CYP19A1: variants seen among roughly 807,000 people sequenced by gnomAD.
The protein encoded by CYP19A1 is aromatase.
CYP19A1 carries 32 observed loss-of-function variants against 44.4 expected under a neutral mutation model. The ratio of observed to expected loss-of-function variants is 0.72; its 90% CI spans 0.54 to 0.97. The LOEUF is 0.97. Ranked by LOEUF, CYP19A1 falls within the 50% of genes least tolerant of loss-of-function variation. The pLI is 0.00. For synonymous variants in CYP19A1, 212 were observed against 215.6 expected, an observed-to-expected ratio of 0.98 and a Z score of 0.14; for missense variants, 598 against 637.8, an observed-to-expected ratio of 0.94 and a Z score of 0.67.
chr15:51,335,037 C>T (rs1030071206), intron 1 of CYP19A1, among the ~76,000 whole-genome samples: 4 of 152,184 alleles, frequency 2.6e-5, no homozygotes, highest in African/African-American at 7.2e-5. Context: ...CCCAATCCTG[C>T]TTCTCCTTCT....
chr15:51,277,733 T>C (rs1042391361), intron 1 of CYP19A1, among the ~76,000 whole-genome samples: 1 of 152,134 alleles, frequency 6.6e-6, no homozygotes, highest in Admixed American at 6.6e-5. Flanking sequence ...CAGAAATAAA[T>C]TCTGAAACAG....
intron 1 of CYP19A1, among the ~76,000 whole-genome samples, chr15:51,273,656 G>T (rs1017203926): frequency 6.6e-6 from 1 of 152,090 alleles, no homozygotes; most frequent in Non-Finnish European, 1.5e-5. Context: ...TCACCTCCGA[G>T]AAGTCCAAAC....
At chr15:51,319,446 T>C (rs2036488770) in intron 1 of CYP19A1, among the ~76,000 whole-genome samples, 1 of 152,202 alleles carries the variant, frequency 6.6e-6, no homozygotes, top group Non-Finnish European at 1.5e-5. Context: ...CACATACAAT[T>C]CTTATGAACA....
chr15:51,229,763 A>T (rs1457535293), intron 3 of CYP19A1, among the ~76,000 whole-genome samples: 1 of 152,224 alleles, frequency 6.6e-6, no homozygotes, highest in Non-Finnish European at 1.5e-5. Flanking sequence ...TAAGTAATTT[A>T]TATATTCTTT....
intron 2 of CYP19A1, among the ~76,000 whole-genome samples, chr15:51,239,544 T>C (rs751476583): frequency 1.3e-5 from 2 of 152,088 alleles, no homozygotes; most frequent in African/African-American, 2.4e-5. Context: ...GATAGAAGAA[T>C]ACATAATGTA....
chr15:51,227,839 C>T lies in CYP19A1; in HGVS notation c.391G>A (p.Gly131Ser), dbSNP rs1033623088. The part of the protein sequence containing the change: ...GLQCIGMHEK[G>S]IIFNNNPELW... ...TCTGGATTGTTGTTAAATATGATGC[C>T]TTTCTCATGCATACCGATGCACTGC... Residue 131 changes from glycine to serine, a missense_variant, in exon 4 of 10, where the codon GGC becomes AGC. By Grantham distance (56) the Gly-to-Ser change is moderately conservative. Transcript: ENST00000396402. 8 of 1,530,520 alleles carry T rather than the reference C, an allele frequency of 5.2e-6. No individual in the cohort carries two copies. Among genetic ancestry groups the T allele is most frequent in the Admixed American group, 1.7e-5 (1 of 59,896 alleles). The allele number at this position is 1,530,520 out of a possible 1,614,324, so 94.8% of individuals were successfully genotyped here. A position where few individuals can be genotyped will look rare whatever the true frequency, so the allele number is the denominator to read the frequency against.
intron 8 of CYP19A1, among the ~76,000 whole-genome samples, 166 bp from the exon 9 acceptor site, chr15:51,212,727 G>A (rs1277325923): frequency 6.6e-6 from 1 of 152,008 alleles, no homozygotes; most frequent in Non-Finnish European, 1.5e-5. Flanking sequence ...GTTATGCTTG[G>A]GCCACAGAGT....
chr15:51,306,921 G>A (rs950192225), intron 1 of CYP19A1, among the ~76,000 whole-genome samples: 1 of 152,156 alleles, frequency 6.6e-6, no homozygotes, highest in Admixed American at 6.5e-5. Flanking sequence ...GAAAAGGCAC[G>A]GGTAAAGTTG....
chr15:51,334,904 AG>A (rs2036753728), intron 1 of CYP19A1, among the ~76,000 whole-genome samples: 1 of 152,186 alleles, frequency 6.6e-6, no homozygotes, highest in South Asian at 2.1e-4. Flanking sequence ...TGAGTGAGGT[AG>A]GTAAAAGCCC....
intron 1 of CYP19A1, among the ~76,000 whole-genome samples, chr15:51,307,795 A>C (rs1490590741): frequency 6.6e-6 from 1 of 152,132 alleles, no homozygotes; most frequent in East Asian, 1.9e-4. Flanking sequence ...CCCCCACCCA[A>C]CCACTTGACA....
At chr15:51,316,212 G>T (rs555209467) in intron 1 of CYP19A1, 1 of 152,236 alleles carries the variant, frequency 6.6e-6, no homozygotes, top group Non-Finnish European at 1.5e-5. Context: ...TATGTTGGCT[G>T]GGCATGTTGG....
rs77348531 is a variant in CYP19A1 at position 51,314,989 on chromosome 15, A to G, written c.-39+23506T>C. Among the ~76,000 whole-genome samples, 2,374 of 152,116 alleles carry G rather than the reference A, an allele frequency of 0.016. 175 individuals carry two copies. In the East Asian group the frequency reaches 0.24, roughly 15 times the overall value. ...CTGGTTCAAGCCACTGTCCCTGGCAACAGCTCCTAATTGACCTCTCTGAAT... is the reference window on the plus strand; with the variant it reads ...CTGGTTCAAGCCACTGTCCCTGGCAGCAGCTCCTAATTGACCTCTCTGAAT... On this transcript the variant is annotated intron_variant, in intron 1 of 9. Coordinates refer to ENST00000396402, the MANE Select transcript of CYP19A1 (RefSeq NM_000103.4).
rs944986833 is a variant in CYP19A1, at chr15:51,208,857, G to A, written c.*1951C>T. 3.3e-5 allele frequency: 5 copies of A among 150,456 alleles called. No homozygotes were observed. The highest frequency in any genetic ancestry group is 7.4e-5 in the Non-Finnish European group (5 of 67,906). The allele number at this position is 150,456 out of a possible 1,614,324, so 9.3% of individuals were successfully genotyped here. A position where few individuals can be genotyped will look rare whatever the true frequency, so the allele number is the denominator to read the frequency against. On this transcript the variant is annotated 3_prime_UTR_variant, in exon 10 of 10. Transcript: ENST00000396402. ...ATCAAACATGCATTTCACTTTGACT[G>A]TGTAGACATAGACATTGGCTTCATA...
chr15:51,213,034 G>C (rs1297722823), intron 8 of CYP19A1, among the ~76,000 whole-genome samples: 3 of 152,112 alleles, frequency 2.0e-5, no homozygotes. Flanking sequence ...TCACTTACGA[G>C]CAAACTGGCA....
intron 1 of CYP19A1, among the ~76,000 whole-genome samples, chr15:51,277,576 G>T (rs1456931206): frequency 6.6e-6 from 1 of 152,144 alleles, no homozygotes; most frequent in East Asian, 1.9e-4. Flanking sequence ...AAATTATTTT[G>T]CTACTCTTTA....
At chr15:51,227,758 G>A (rs2032709444) in intron 4 of CYP19A1, 21 bp downstream of exon 4, 1 of 1,166,270 alleles carries the variant, frequency 8.6e-7, no homozygotes, top group South Asian at 1.2e-5. Context: ...AAAGATTGTA[G>A]CTAACTAAGT....
intron 1 of CYP19A1, among the ~76,000 whole-genome samples, chr15:51,265,583 C>G (rs1427126502): frequency 6.6e-6 from 1 of 152,140 alleles, no homozygotes. Flanking sequence ...CTGCAGTTTC[C>G]TATCATTCAC....
intron 1 of CYP19A1, among the ~76,000 whole-genome samples, chr15:51,268,528 C>A (rs928278580): frequency 1.6e-4 from 21 of 128,608 alleles, no homozygotes; most frequent in African/African-American, 5.4e-4. Flanking sequence ...TTCCCCCCCC[C>A]CCTTTTTTTT....
At chr15:51,303,676 T>C (rs959696215) in intron 1 of CYP19A1, among the ~76,000 whole-genome samples, 1 of 152,124 alleles carries the variant, frequency 6.6e-6, no homozygotes, top group Non-Finnish European at 1.5e-5. Context: ...AGGTTGTGTG[T>C]ACACAAGAAT....
Sources: gnomAD v4.1 joint callset for allele counts (sites outside exome capture counted in the v4.1 genomes callset) on GRCh38, gnomAD v4.1.1 for gene constraint, MANE v1.5 for transcripts, NCBI Gene and HGNC (gene_info 2026-07-23, HGNC 2026-07-21) for gene names.